RANBP2: variants seen among roughly 807,000 people sequenced by gnomAD.
RANBP2 encodes RAN binding protein 2.
In RANBP2, 57 loss-of-function variants were observed where a neutral mutation model predicts 303.6. The observed-to-expected ratio is 0.19, with a 90% CI of 0.15 to 0.23. The LOEUF (loss-of-function observed/expected upper bound fraction) is 0.23, where lower values mean the gene tolerates loss of function less well. Ranked by LOEUF, RANBP2 falls within the 10% of genes least tolerant of loss-of-function variation. The pLI is 1.00. For synonymous variants in RANBP2, 1,167 were observed against 1,301.5 expected, an observed-to-expected ratio of 0.90 and a Z score of 2.23; for missense variants, 3,138 against 3,780.8, an observed-to-expected ratio of 0.83 and a Z score of 4.46.
At chr2:108,940,903 T>G in the RANBP2 span, among the ~76,000 whole-genome samples, 1 of 152,240 alleles carries the variant, frequency 6.6e-6, no homozygotes, top group Non-Finnish European at 1.5e-5. Flanking sequence ...TAACTTGCAA[T>G]AAGCTTCACA....
In RANBP2 at chr2:108,755,154, T is replaced by C. The variant is rs768523248; in HGVS notation, c.2383-22T>C. 6 of 1,609,254 alleles carry C rather than the reference T, an allele frequency of 3.7e-6. No homozygotes were observed. The East Asian group carries it at 1.3e-4, about 36-fold the overall frequency. Reference sequence around the variant, plus strand: ...GTTCTAAGTGTTTTAAATGCTGTTTTGTTATTTTTATTTTTTTTTAGTATT... The same window carrying C: ...GTTCTAAGTGTTTTAAATGCTGTTTCGTTATTTTTATTTTTTTTTAGTATT... On this transcript the variant is annotated intron_variant, in intron 16 of 28. Coordinates refer to ENST00000283195, the MANE Select transcript of RANBP2 (RefSeq NM_006267.5).
the RANBP2 span, among the ~76,000 whole-genome samples, chr2:109,210,821 T>A: frequency 6.6e-6 from 1 of 152,232 alleles, no homozygotes; most frequent in African/African-American, 2.4e-5. Context: ...CACTACAAAA[T>A]GTAGCTTTTT....
the RANBP2 span, among the ~76,000 whole-genome samples, chr2:109,519,479 C>T: frequency 6.6e-6 from 1 of 152,152 alleles, no homozygotes; most frequent in African/African-American, 2.4e-5. Flanking sequence ...ACCTGTATGT[C>T]ATCCTGTTGT....
chr2:109,378,024 A>G, the RANBP2 span, among the ~76,000 whole-genome samples: 2 of 152,196 alleles, frequency 1.3e-5, no homozygotes, highest in African/African-American at 4.8e-5. Context: ...TGGATTTGCC[A>G]TTTTACCTTG....
the RANBP2 span, among the ~76,000 whole-genome samples, chr2:109,389,152 G>A: frequency 6.6e-6 from 1 of 152,212 alleles, no homozygotes; most frequent in East Asian, 1.9e-4. Flanking sequence ...ACAGGTGAGC[G>A]TACCTGCAGA....
chr2:109,506,529 A>G, the RANBP2 span, among the ~76,000 whole-genome samples: 1 of 152,204 alleles, frequency 6.6e-6, no homozygotes, highest in African/African-American at 2.4e-5. Context: ...GGGGCAGGAC[A>G]GGGTGGGGGC....
the RANBP2 span, among the ~76,000 whole-genome samples, chr2:109,200,050 A>G: frequency 6.6e-6 from 1 of 152,074 alleles, no homozygotes; most frequent in East Asian, 1.9e-4. Context: ...CCCACAGAGA[A>G]ATGTCACCAG....
the RANBP2 span, chr2:109,251,721 G>C: frequency 6.7e-6 from 5 of 742,026 alleles, no homozygotes; most frequent in Non-Finnish European, 1.1e-5. Flanking sequence ...GTAAAAATTA[G>C]GTCGTGTACA....
the RANBP2 span, among the ~76,000 whole-genome samples, chr2:109,179,000 A>G: frequency 2.1e-5 from 1 of 48,170 alleles, no homozygotes; most frequent in Non-Finnish European, 5.1e-5. Context: ...ATAAAGTATA[A>G]TAATGTGTGT....
the RANBP2 span, among the ~76,000 whole-genome samples, chr2:109,162,981 C>T: frequency 6.6e-6 from 1 of 152,224 alleles, no homozygotes; most frequent in African/African-American, 2.4e-5. Flanking sequence ...TTTGCACCCT[C>T]TCTGACTGAG....
chr2:109,063,125 C>G, the RANBP2 span, among the ~76,000 whole-genome samples: 1 of 152,208 alleles, frequency 6.6e-6, no homozygotes, highest in Non-Finnish European at 1.5e-5. Flanking sequence ...ATGCCATTCC[C>G]CTAGGGTTGT....
the RANBP2 span, among the ~76,000 whole-genome samples, chr2:109,590,046 A>G: frequency 1.4e-5 from 2 of 147,754 alleles, no homozygotes; most frequent in East Asian, 2.0e-4. Context: ...ACACACATAT[A>G]TATGTGTGTG....
intron 18 of RANBP2, among the ~76,000 whole-genome samples, chr2:108,760,013 A>G (rs546455711): frequency 6.6e-6 from 1 of 152,272 alleles, no homozygotes; most frequent in Admixed American, 6.5e-5. Flanking sequence ...CAGGTTCACA[A>G]AACAGCTTTG....
At chr2:108,936,789 C>T in the RANBP2 span, among the ~76,000 whole-genome samples, 18 of 152,226 alleles carry the variant, frequency 1.2e-4, no homozygotes, top group Admixed American at 1.2e-3. Context: ...GGGATGCATT[C>T]TCTTTCCACT....
the RANBP2 span, among the ~76,000 whole-genome samples, chr2:108,961,527 A>G: frequency 6.6e-6 from 1 of 152,178 alleles, no homozygotes; most frequent in Non-Finnish European, 1.5e-5. Context: ...CGCTGCCTAC[A>G]TCAGATTTAC....
the RANBP2 span, chr2:109,613,869 GC>G: frequency 8.1e-7 from 1 of 1,230,842 alleles, no homozygotes; most frequent in Non-Finnish European, 1.0e-6. Flanking sequence ...TATCAGCCCG[GC>G]CCCGAGCGGC....
At chr2:108,721,005 C>T (rs533022561) in intron 1 of RANBP2, among the ~76,000 whole-genome samples, 1 of 152,116 alleles carries the variant, frequency 6.6e-6, no homozygotes, top group African/African-American at 2.4e-5. Context: ...GCCGAGATCG[C>T]GCTACTGCAC....
chr2:109,651,547 G>A, the RANBP2 span, among the ~76,000 whole-genome samples: 2 of 152,190 alleles, frequency 1.3e-5, no homozygotes, highest in Non-Finnish European at 2.9e-5. Context: ...ACCTCTCAAG[G>A]GTGGCCCTGA....
At chr2:109,016,847 A>T in the RANBP2 span, among the ~76,000 whole-genome samples, 5 of 152,138 alleles carry the variant, frequency 3.3e-5, no homozygotes, top group Non-Finnish European at 7.4e-5. Context: ...ATACAACAGG[A>T]GAGTTAATGG....
Sources: allele counts gnomAD v4.1 joint callset (sites outside exome capture counted in the v4.1 genomes callset), GRCh38; gene constraint gnomAD v4.1.1; transcripts MANE v1.5; gene names NCBI Gene and HGNC (gene_info 2026-07-23, HGNC 2026-07-21).